The following IQSEC1 variants were observed in gnomAD, a reference collection of about 807,000 sequenced individuals.
IQSEC1 encodes the protein IQ motif and SEC7 domain-containing protein 1.
IQSEC1 carries 31 observed loss-of-function variants against 91.0 expected under a neutral mutation model. The ratio of observed to expected loss-of-function variants is 0.34; its 90% CI spans 0.26 to 0.46. IQSEC1 has a LOEUF of 0.46. Ranked by LOEUF, IQSEC1 falls within the 20% of genes least tolerant of loss-of-function variation. The probability of loss-of-function intolerance (pLI) is 1.00; values close to 1 mark genes in which losing one functional copy is unlikely to be tolerated. For missense variants in IQSEC1, 1,388 were observed against 1,575.6 expected, an observed-to-expected ratio of 0.88 and a Z score of 2.02; for synonymous variants, 699 against 662.6, an observed-to-expected ratio of 1.05 and a Z score of -0.84.
At chr3:13,123,469 G>T (rs1706457109) in intron 2 of IQSEC1, among the ~76,000 whole-genome samples, 1 of 152,212 alleles carries the variant, frequency 6.6e-6, no homozygotes, top group African/African-American at 2.4e-5. Flanking sequence ...ACGACTGGGA[G>T]GTCTTACATG....
intron 4 of IQSEC1, among the ~76,000 whole-genome samples, chr3:12,923,400 G>A (rs1696811546): frequency 6.6e-6 from 1 of 152,196 alleles, no homozygotes; most frequent in Non-Finnish European, 1.5e-5. Context: ...AAAGAGGGGA[G>A]GGGGCAGTAG....
chr3:13,091,314 G>C (rs1024142702), intron 2 of IQSEC1, among the ~76,000 whole-genome samples: 5 of 152,224 alleles, frequency 3.3e-5, no homozygotes, highest in African/African-American at 7.2e-5. Context: ...GGAGGCCAGG[G>C]GAGTCTGTTT....
chr3:13,016,831 AGGGGTGC>A (rs1703156037), intron 1 of IQSEC1, among the ~76,000 whole-genome samples: 1 of 152,220 alleles, frequency 6.6e-6, no homozygotes, highest in Non-Finnish European at 1.5e-5. Context: ...ATATTCCCAG[AGGGGTGC>A]AACTGTCACC....
intron 1 of IQSEC1, among the ~76,000 whole-genome samples, chr3:12,975,157 C>A (rs1701102452): frequency 6.6e-6 from 1 of 152,238 alleles, no homozygotes; most frequent in African/African-American, 2.4e-5. Flanking sequence ...CCCTTCAGAG[C>A]CTGCAAGTTC....
In IQSEC1 at chr3:12,935,666, G is replaced by T. The variant is rs1485005812; in HGVS notation, c.1350C>A (p.Asp450Glu). The part of the protein sequence containing the change: ...SANRQSKSES[D>E]YSDGDNDSIN... ...TGCTGTCATTGTCACCGTCTGAGTA[G>T]TCCGACTCAGACTTGCTCTGCCGGT... is the stretch of plus-strand genomic sequence containing the variant. Residue 450 changes from aspartate (D) to glutamate (E), a missense_variant, in exon 3 of 14, where the codon GAC becomes GAA. Coordinates refer to ENST00000613206, the MANE Select transcript of IQSEC1 (RefSeq NM_001134382.3). This position sits in a 1 kb window ranked among gnomAD's most constrained non-coding sequence, Gnocchi z 8.0. 6.2e-7 allele frequency: 1 copy of T among 1,613,970 alleles called. No individual in the cohort carries two copies. The highest frequency in any genetic ancestry group is 8.5e-7 in the Non-Finnish European group (1 of 1,180,028).
chr3:13,037,454 A>G (rs1178047313), intron 1 of IQSEC1, among the ~76,000 whole-genome samples: 1 of 152,100 alleles, frequency 6.6e-6, no homozygotes, highest in Non-Finnish European at 1.5e-5. Context: ...AATACTATAC[A>G]CCAGTGAAAA....
rs970438775 is a variant in IQSEC1 at position 12,967,491 on chromosome 3, C to T, written c.24-25626G>A. On this transcript the variant is annotated intron_variant, in intron 1 of 13. Coordinates refer to ENST00000613206, the MANE Select transcript of IQSEC1 (RefSeq NM_001134382.3). This position sits in a 1 kb window ranked among gnomAD's most constrained non-coding sequence, Gnocchi z 5.9. Reference sequence around the variant, plus strand: ...GAGCGGGCCGGGCCGGGAGCCGGGACCCAGGCCCAGCAGAGGCCGCCGACT... The same window carrying T: ...GAGCGGGCCGGGCCGGGAGCCGGGATCCAGGCCCAGCAGAGGCCGCCGACT... The T allele has an allele frequency of 4.7e-6, 7 of 1,489,332 alleles. No individual in the cohort carries two copies. The highest frequency in any genetic ancestry group is 5.6e-5 in the East Asian group (2 of 35,880). The allele number at this position is 1,489,332 out of a possible 1,614,324, so 92.3% of individuals were successfully genotyped here.
At chr3:13,101,557 T>C (rs1706064642) in intron 2 of IQSEC1, among the ~76,000 whole-genome samples, 1 of 151,998 alleles carries the variant, frequency 6.6e-6, no homozygotes, top group South Asian at 2.1e-4. Flanking sequence ...GGAGAGGTGC[T>C]CAGGCCCAAG....
intron 1 of IQSEC1, among the ~76,000 whole-genome samples, chr3:12,965,004 C>T (rs1029742692): frequency 5.9e-5 from 9 of 152,152 alleles, no homozygotes; most frequent in African/African-American, 9.7e-5. Context: ...GTTCATAGTC[C>T]GACTTCCTTG....
chr3:13,121,263 C>G (rs1355482426), intron 2 of IQSEC1, among the ~76,000 whole-genome samples: 2 of 152,200 alleles, frequency 1.3e-5, no homozygotes, highest in Non-Finnish European at 2.9e-5. Flanking sequence ...AAATAGTTAC[C>G]GTCTGGCCCT....
chr3:12,944,427 T>C (rs778916090), intron 1 of IQSEC1, among the ~76,000 whole-genome samples: 12 of 152,192 alleles, frequency 7.9e-5, no homozygotes, highest in Non-Finnish European at 1.6e-4. Context: ...CAGGGGAGCG[T>C]TGGCCTCGCC....
At chr3:12,905,838 G>A (rs1475581498) in intron 12 of IQSEC1, among the ~76,000 whole-genome samples, 2 of 152,158 alleles carry the variant, frequency 1.3e-5, no homozygotes, top group African/African-American at 2.4e-5. Flanking sequence ...GCCGCTGGGG[G>A]CCACTGGTCA....
At chr3:13,248,367 TC>T (rs1485143361) in intron 1 of IQSEC1, among the ~76,000 whole-genome samples, 3 of 152,230 alleles carry the variant, frequency 2.0e-5, no homozygotes, top group Admixed American at 2.0e-4. Flanking sequence ...CTTCCTGGCC[TC>T]ATCCCCACCT....
intron 1 of IQSEC1, among the ~76,000 whole-genome samples, chr3:13,271,270 G>A (rs774171): frequency 6.6e-6 from 1 of 151,772 alleles, no homozygotes; most frequent in Non-Finnish European, 1.5e-5. Context: ...CCAGCTACTC[G>A]GGAGGCTGAG....
chr3:12,960,148 G>T (rs1462123413), intron 1 of IQSEC1: 1 of 152,110 alleles, frequency 6.6e-6, no homozygotes, highest in African/African-American at 2.4e-5. Context: ...CAGTGGGTAG[G>T]GGTCATCACA....
At chr3:13,243,650 T>C (rs1695059731) in intron 1 of IQSEC1, among the ~76,000 whole-genome samples, 1 of 151,942 alleles carries the variant, frequency 6.6e-6, no homozygotes, top group Non-Finnish European at 1.5e-5. Context: ...CGAGGAGAAG[T>C]TCTAGTAACA....
At chr3:13,270,389 A>C (rs1015205027) in intron 1 of IQSEC1, among the ~76,000 whole-genome samples, 4 of 152,226 alleles carry the variant, frequency 2.6e-5, no homozygotes, top group African/African-American at 9.7e-5. Flanking sequence ...CCCCTTAAAG[A>C]AATAGCAGAG....
At chr3:13,060,919 G>A (rs1705045071) in intron 1 of IQSEC1, among the ~76,000 whole-genome samples, 2 of 152,206 alleles carry the variant, frequency 1.3e-5, no homozygotes, top group African/African-American at 4.8e-5. Flanking sequence ...AGCCTTGAGA[G>A]GAGCTATGTC....
At chr3:13,161,310 G>A (rs1486843303) in intron 2 of IQSEC1, among the ~76,000 whole-genome samples, 3 of 152,152 alleles carry the variant, frequency 2.0e-5, no homozygotes, top group Non-Finnish European at 4.4e-5. Flanking sequence ...GAGAAGCGGG[G>A]GAGGGCCGTG....
Sources: gnomAD v4.1 joint callset for allele counts (sites outside exome capture counted in the v4.1 genomes callset) on GRCh38, gnomAD v4.1.1 for gene constraint, Gnocchi (gnomAD v3.1) non-coding constraint, MANE v1.5 for transcripts, NCBI Gene and HGNC (gene_info 2026-07-23, HGNC 2026-07-21) for gene names.